TENM4: variants seen among roughly 807,000 people sequenced by gnomAD.
TENM4 encodes the protein teneurin-4.
Under a neutral mutation model 243.3 loss-of-function variants are expected in TENM4, and 82 were observed. The observed-to-expected ratio is 0.34, with a 90% CI of 0.28 to 0.40. The LOEUF is 0.40. TENM4 is among the 10% of genes least tolerant of loss of function. TENM4 has a pLI of 1.00. For synonymous variants in TENM4, 1,412 were observed against 1,456.3 expected, an observed-to-expected ratio of 0.97 and a Z score of 0.69; for missense variants, 3,138 against 3,673.3, an observed-to-expected ratio of 0.85 and a Z score of 3.77.
intron 1 of TENM4, among the ~76,000 whole-genome samples, chr11:79,417,697 A>T (rs918006702): frequency 2.0e-5 from 3 of 152,218 alleles, no homozygotes; most frequent in African/African-American, 7.2e-5. Flanking sequence ...TCATCTATGT[A>T]AAGTGTCCTT....
intron 1 of TENM4, among the ~76,000 whole-genome samples, chr11:79,405,479 TAA>T (rs61042277): frequency 6.2e-4 from 82 of 132,560 alleles, no homozygotes; most frequent in Admixed American, 7.7e-4. Context: ...GCTTAGAATG[TAA>T]AAAAAAAAAA....
chr11:79,101,869 G>A (rs1282075187), intron 4 of TENM4, among the ~76,000 whole-genome samples: 1 of 152,156 alleles, frequency 6.6e-6, no homozygotes. Flanking sequence ...TACCACTCCA[G>A]CCAAAACAGG....
intron 2 of TENM4, among the ~76,000 whole-genome samples, chr11:79,271,664 C>A (rs905432711): frequency 2.0e-5 from 3 of 152,208 alleles, no homozygotes; most frequent in African/African-American, 7.2e-5. Flanking sequence ...TTCCACTCTT[C>A]AACCACAACA....
rs533026294 is a variant in TENM4 at position 79,349,104 on chromosome 11, C to T, written c.-320-51561G>A. Among the ~76,000 whole-genome samples, 3 of 152,200 alleles carry T rather than the reference C, an allele frequency of 2.0e-5. No homozygotes were observed. In the East Asian group the frequency reaches 5.8e-4, roughly 29 times the overall value. ...TCCCGACTCCTGCTTTAGGTTTGTTCCCCTCCACCGGCTGGGGAAGGTCTC... is the reference window on the plus strand; with the variant it reads ...TCCCGACTCCTGCTTTAGGTTTGTTTCCCTCCACCGGCTGGGGAAGGTCTC... On this transcript the variant is annotated intron_variant, in intron 1 of 33. Transcript: ENST00000278550.
At chr11:78,764,274 C>A (rs185922213) in intron 18 of TENM4, among the ~76,000 whole-genome samples, 86 of 152,310 alleles carry the variant, frequency 5.6e-4, no homozygotes, top group African/African-American at 2.0e-3. Context: ...TATGTAATTT[C>A]CCTGACATCG....
chr11:78,738,308 A>G (rs1855845656), intron 20 of TENM4, 143 bp downstream of exon 20: 2 of 1,104,752 alleles, frequency 1.8e-6, no homozygotes, highest in East Asian at 2.6e-5. Context: ...TACAATTAGT[A>G]AGTTGCAGAG....
intron 2 of TENM4, among the ~76,000 whole-genome samples, chr11:79,229,297 A>G (rs750526395): frequency 2.6e-5 from 4 of 152,262 alleles, no homozygotes; most frequent in Non-Finnish European, 4.4e-5. Context: ...TTCCACCTTC[A>G]GAAGACCAAA....
At chr11:79,097,785 T>C (rs1861118444) in intron 4 of TENM4, 1 of 151,464 alleles carries the variant, frequency 6.6e-6, no homozygotes, top group South Asian at 2.1e-4. Flanking sequence ...ATGATATTTC[T>C]CACCCACAAA....
Position 79,375,190 on chromosome 11 carries a change from G to A in TENM4, c.-321+65319C>T, listed in dbSNP as rs61882519. Among the ~76,000 whole-genome samples, 994 of 152,344 alleles carry A rather than the reference G, an allele frequency of 6.5e-3. 3 individuals are homozygous for A. Among genetic ancestry groups the A allele is most frequent in the South Asian group, 0.012 (59 of 4,826 alleles). On this transcript the variant is annotated intron_variant, in intron 1 of 33. Transcript: ENST00000278550. ...AATTCATTCCTAGTGAGCCTGTAAT[G>A]TGTGTAAAAGATTAAAGCTGCATTT...
intron 1 of TENM4, among the ~76,000 whole-genome samples, chr11:79,313,028 A>G (rs1345972440): frequency 6.6e-6 from 1 of 152,210 alleles, no homozygotes; most frequent in Non-Finnish European, 1.5e-5. Flanking sequence ...AGTCACTGTC[A>G]GAAATAATCA....
chr11:78,722,142 C>CT (rs1855399134), intron 24 of TENM4, among the ~76,000 whole-genome samples: 1 of 152,070 alleles, frequency 6.6e-6, no homozygotes. Context: ...TCCTGAGTAG[C>CT]TAGGACTACA....
intron 1 of TENM4, among the ~76,000 whole-genome samples, chr11:79,299,303 A>G (rs1464329189): frequency 6.6e-6 from 1 of 152,150 alleles, no homozygotes; most frequent in Non-Finnish European, 1.5e-5. Flanking sequence ...GTCTATGTCA[A>G]GAAAGTCACT....
At chr11:78,778,492 A>T in intron 17 of TENM4, 110 bp downstream of exon 17, 2 of 1,208,692 alleles carry the variant, frequency 1.7e-6, no homozygotes, top group Middle Eastern at 3.8e-4. Flanking sequence ...GCTTCCAGAC[A>T]TCATGCTTAT....
intron 20 of TENM4, among the ~76,000 whole-genome samples, chr11:78,736,501 G>A (rs1855801513): frequency 6.8e-6 from 1 of 147,006 alleles, no homozygotes; most frequent in African/African-American, 2.7e-5. Flanking sequence ...CATGTGAGTA[G>A]GGGTGGGGGA....
intron 6 of TENM4, among the ~76,000 whole-genome samples, chr11:78,988,458 T>C (rs1002646832): frequency 2.0e-5 from 3 of 152,222 alleles, no homozygotes; most frequent in African/African-American, 7.2e-5. Context: ...GGCAATTTGT[T>C]ATGTAGCAAT....
At chr11:79,064,245 A>G (rs961686968) in intron 6 of TENM4, among the ~76,000 whole-genome samples, 5 of 152,120 alleles carry the variant, frequency 3.3e-5, no homozygotes, top group Admixed American at 2.6e-4. Context: ...TCTTCCCTAA[A>G]CCTCAAGTTA....
At chr11:79,420,375 T>C (rs1858905283) in intron 1 of TENM4, among the ~76,000 whole-genome samples, 1 of 152,232 alleles carries the variant, frequency 6.6e-6, no homozygotes, top group African/African-American at 2.4e-5. Flanking sequence ...CCAAGCTTCC[T>C]GCTTGGACCA....
In TENM4 at chr11:78,864,532, C is replaced by T. The variant is rs535591647; in HGVS notation, c.1085-1400G>A. ...CAATCTAGAAAGAGACCATAAGGCG[C>T]AAAAGAATGAACATTGTCCCTTGAG... On this transcript the variant is annotated intron_variant, in intron 9 of 33. Coordinates refer to ENST00000278550, the MANE Select transcript of TENM4 (RefSeq NM_001098816.3). Among the ~76,000 whole-genome samples, 25 of 150,064 alleles carry T rather than the reference C, an allele frequency of 1.7e-4. No individual in the cohort carries two copies. The East Asian group carries it at 4.5e-3, about 27-fold the overall frequency.
chr11:79,227,818 G>A (rs150175067), intron 2 of TENM4, among the ~76,000 whole-genome samples: 2 of 152,324 alleles, frequency 1.3e-5, no homozygotes, highest in African/African-American at 4.8e-5. Context: ...CTGCAGGAAA[G>A]CTGGAGTCTA....
Sources: gnomAD v4.1 joint callset for allele counts (sites outside exome capture counted in the v4.1 genomes callset) on GRCh38, gnomAD v4.1.1 for gene constraint, MANE v1.5 for transcripts, NCBI Gene and HGNC (gene_info 2026-07-23, HGNC 2026-07-21) for gene names.